The following CTNND2 variants were observed in gnomAD, a reference collection of about 807,000 sequenced individuals.
CTNND2 encodes the protein catenin delta 2.
Under a neutral mutation model 144.4 loss-of-function variants are expected in CTNND2, and 22 were observed. The ratio of observed to expected loss-of-function variants is 0.15; its 90% CI spans 0.11 to 0.22. The LOEUF is 0.22. Among genes scored for constraint, CTNND2 ranks in the 10% least tolerant of loss-of-function variants. CTNND2 has a pLI of 1.00. For synonymous variants in CTNND2, 751 were observed against 695.6 expected (o/e 1.08, Z -1.25); for missense variants, 1,353 against 1,618.8 (o/e 0.84, Z 2.82).
At chr5:11,115,420 GTA>G (rs1444378930) in intron 13 of CTNND2, among the ~76,000 whole-genome samples, 11 of 152,182 alleles carry the variant, frequency 7.2e-5, no homozygotes, top group African/African-American at 2.7e-4. Flanking sequence ...ACAGTAAAAG[GTA>G]TAGTCTCCCA....
intron 3 of CTNND2, among the ~76,000 whole-genome samples, chr5:11,522,764 A>G (rs1213572594): frequency 1.3e-5 from 2 of 152,222 alleles, no homozygotes; most frequent in African/African-American, 4.8e-5. Context: ...GGACCAATTA[A>G]GCCAAGTTAT....
At chr5:11,409,488 G>A (rs1294178153) in intron 5 of CTNND2, among the ~76,000 whole-genome samples, 3 of 151,970 alleles carry the variant, frequency 2.0e-5, no homozygotes, top group Admixed American at 1.3e-4. Context: ...TGATTCATGA[G>A]ACGTGCATTC....
intron 16 of CTNND2, among the ~76,000 whole-genome samples, chr5:11,030,606 C>T (rs536599677): frequency 1.3e-3 from 200 of 151,972 alleles, no homozygotes; most frequent in African/African-American, 4.6e-3. Flanking sequence ...GTTTTCTATG[C>T]CTTTATTTAT....
At chr5:11,486,503 T>TC (rs879319706) in intron 3 of CTNND2, among the ~76,000 whole-genome samples, 1 of 151,908 alleles carries the variant, frequency 6.6e-6, no homozygotes, top group African/African-American at 2.4e-5. Context: ...AGTCTTTTTT[T>TC]CCCCCCAAAT....
Position 11,903,486 on chromosome 5 carries a change from C to G in CTNND2, c.37+331G>C, listed in dbSNP as rs1168701806. ...ACGTCATGAATGCACCGAGTATGTT[C>G]TCAGGGTGGCGGGGAGCAGCATTGT... On this transcript the variant is annotated intron_variant, in intron 1 of 21. Transcript: ENST00000304623. This position sits in a 1 kb window ranked among gnomAD's most constrained non-coding sequence, Gnocchi z 5.4. The G allele has an allele frequency of 1.6e-6, 1 of 638,940 alleles. No individual in the cohort carries two copies. 39.6% of individuals were successfully genotyped at this position (638,940 alleles called of 1,614,324 possible).
intron 3 of CTNND2, among the ~76,000 whole-genome samples, chr5:11,516,176 C>T (rs560118135): frequency 5.9e-5 from 9 of 152,050 alleles, no homozygotes; most frequent in Middle Eastern, 3.4e-3. Context: ...CAAAGAGTAA[C>T]TAAATTGTCA....
intron 12 of CTNND2, among the ~76,000 whole-genome samples, chr5:11,147,129 A>G (rs920521980): frequency 2.6e-5 from 4 of 152,204 alleles, no homozygotes; most frequent in Non-Finnish European, 5.9e-5. Context: ...GGGGAAAGAC[A>G]AAACTGATAC....
chr5:11,605,337 G>A (rs1346412977), intron 2 of CTNND2, among the ~76,000 whole-genome samples: 1 of 152,120 alleles, frequency 6.6e-6, no homozygotes, highest in African/African-American at 2.4e-5. Context: ...AACAGACAAG[G>A]GTCTTACATT....
At chr5:11,814,194 C>A (rs2126916103) in intron 1 of CTNND2, among the ~76,000 whole-genome samples, 1 of 152,302 alleles carries the variant, frequency 6.6e-6, no homozygotes, top group South Asian at 2.1e-4. Flanking sequence ...CATATTAAAT[C>A]ATGCCAATGT....
intron 2 of CTNND2, among the ~76,000 whole-genome samples, chr5:11,708,374 C>T (rs1331464234): frequency 6.6e-6 from 1 of 152,052 alleles, no homozygotes; most frequent in African/African-American, 2.4e-5. Flanking sequence ...GCCAAGAAAT[C>T]TCCTAAAGTG....
intron 2 of CTNND2, among the ~76,000 whole-genome samples, chr5:11,670,047 T>C (rs913011583): frequency 2.6e-5 from 4 of 152,206 alleles, no homozygotes; most frequent in African/African-American, 9.7e-5. Flanking sequence ...AGTTTCCATG[T>C]AGTTACGTGG....
chr5:11,221,466 TG>T (rs2149866495), intron 10 of CTNND2, among the ~76,000 whole-genome samples: 1 of 152,318 alleles, frequency 6.6e-6, no homozygotes, highest in East Asian at 1.9e-4. Context: ...AAGATAAGGT[TG>T]GAAGAGTGAT....
At chr5:11,163,390 G>A (rs1324976036) in intron 11 of CTNND2, among the ~76,000 whole-genome samples, 1 of 152,230 alleles carries the variant, frequency 6.6e-6, no homozygotes, top group Non-Finnish European at 1.5e-5. Flanking sequence ...TCGAATGACT[G>A]CAGCCTCATG....
chr5:11,781,801 C>T (rs1476702856), intron 1 of CTNND2, among the ~76,000 whole-genome samples: 1 of 152,164 alleles, frequency 6.6e-6, no homozygotes, highest in Non-Finnish European at 1.5e-5. Context: ...TGATCTTCTC[C>T]CCGTGTATTT....
intron 2 of CTNND2, among the ~76,000 whole-genome samples, chr5:11,656,307 T>A (rs1279499422): frequency 1.3e-5 from 2 of 152,042 alleles, no homozygotes; most frequent in Non-Finnish European, 2.9e-5. Flanking sequence ...AATGGTCTTG[T>A]TAAACACTCT....
At chr5:11,031,023 C>T (rs1309878348) in intron 16 of CTNND2, among the ~76,000 whole-genome samples, 1 of 152,034 alleles carries the variant, frequency 6.6e-6, no homozygotes, top group African/African-American at 2.4e-5. Context: ...GAGAGTTTCC[C>T]TGGGCATGCA....
intron 3 of CTNND2, among the ~76,000 whole-genome samples, chr5:11,474,094 T>C (rs1230909263): frequency 6.6e-6 from 1 of 152,246 alleles, no homozygotes; most frequent in Non-Finnish European, 1.5e-5. Context: ...TTATTTGGTT[T>C]AAACTGACAT....
intron 3 of CTNND2, among the ~76,000 whole-genome samples, chr5:11,506,957 T>A (rs1771110799): frequency 6.6e-6 from 1 of 152,212 alleles, no homozygotes; most frequent in Non-Finnish European, 1.5e-5. Context: ...TACTTCCCCC[T>A]CAACCCTTAC....
At chr5:11,465,022 T>C (rs975108829) in intron 3 of CTNND2, among the ~76,000 whole-genome samples, 1 of 152,166 alleles carries the variant, frequency 6.6e-6, no homozygotes, top group African/African-American at 2.4e-5. Flanking sequence ...TAAAGGATAT[T>C]TCTCTCTTCT....
Sources: allele counts gnomAD v4.1 joint callset (sites outside exome capture counted in the v4.1 genomes callset), GRCh38; gene constraint gnomAD v4.1.1; non-coding constraint Gnocchi (gnomAD v3.1); transcripts MANE v1.5; gene names NCBI Gene and HGNC (gene_info 2026-07-23, HGNC 2026-07-21).